Variants in TNFRSF21 observed in about 807,000 individuals in gnomAD.
TNFRSF21 encodes the protein tumor necrosis factor receptor superfamily member 21.
In TNFRSF21, 19 loss-of-function variants were observed where a neutral mutation model predicts 45.6. The observed-to-expected ratio is 0.42, with a 90% CI of 0.29 to 0.61. The LOEUF is 0.61. TNFRSF21 is among the 20% of genes least tolerant of loss of function. The pLI is 0.23. For missense variants in TNFRSF21, 737 were observed against 851.5 expected, an observed-to-expected ratio of 0.87 and a Z score of 1.67; for synonymous variants, 314 against 335.5, an observed-to-expected ratio of 0.94 and a Z score of 0.70.
intron 1 of TNFRSF21, among the ~76,000 whole-genome samples, chr6:47,290,390 G>A (rs1453397695): frequency 6.6e-6 from 1 of 152,200 alleles, no homozygotes; most frequent in African/African-American, 2.4e-5. Context: ...TGAATAGCAA[G>A]TATGTGTGGA....
chr6:47,245,877 T>C (rs1225577211), intron 4 of TNFRSF21, among the ~76,000 whole-genome samples: 1 of 152,164 alleles, frequency 6.6e-6, no homozygotes, highest in Non-Finnish European at 1.5e-5. Flanking sequence ...CTTATAATCA[T>C]GGCAGAAGGC....
At chr6:47,291,900 G>C (rs1159210210) in intron 1 of TNFRSF21, among the ~76,000 whole-genome samples, 1 of 152,194 alleles carries the variant, frequency 6.6e-6, no homozygotes, top group East Asian at 1.9e-4. Context: ...GGAAGAGTTG[G>C]CAACATCCCT....
intron 3 of TNFRSF21, among the ~76,000 whole-genome samples, chr6:47,260,485 G>A (rs998637038): frequency 1.3e-5 from 2 of 152,172 alleles, no homozygotes; most frequent in Middle Eastern, 3.2e-3. Context: ...CATATTATCT[G>A]GGGGACAATC....
intron 4 of TNFRSF21, among the ~76,000 whole-genome samples, chr6:47,251,348 C>T (rs1268339830): frequency 9.2e-5 from 14 of 152,062 alleles, no homozygotes. Context: ...CATTACTGTT[C>T]TCAAAAAATA....
At chr6:47,247,824 G>T (rs1320954397) in intron 4 of TNFRSF21, among the ~76,000 whole-genome samples, 1 of 152,098 alleles carries the variant, frequency 6.6e-6, no homozygotes, top group Non-Finnish European at 1.5e-5. Context: ...TCCCCTATGT[G>T]GTTCTGGAAA....
rs778768014 is a variant in TNFRSF21, at chr6:47,309,372, C to T, written c.96+44G>A. On this transcript the variant is annotated intron_variant, in intron 1 of 5. Coordinates refer to ENST00000296861, the MANE Select transcript of TNFRSF21 (RefSeq NM_014452.5). ...CCCGGCTCCCGGAGAGCGGTTCCTT[C>T]TGCTCCGGCGCCGCCGCCACCCCCG... is the stretch of plus-strand genomic sequence containing the variant. 12 of 1,511,754 alleles carry T rather than the reference C, an allele frequency of 7.9e-6. No homozygotes were observed. The African/African-American group carries it at 8.6e-5, about 11-fold the overall frequency. 93.6% of individuals were successfully genotyped at this position (1,511,754 alleles called of 1,614,324 possible). A position where few individuals can be genotyped will look rare whatever the true frequency, so the allele number is the denominator to read the frequency against.
Position 47,284,397 on chromosome 6 carries a change from C to G in TNFRSF21, c.784G>C (p.Val262Leu), listed in dbSNP as rs754778454. 1 of 1,526,650 alleles carries G rather than the reference C, an allele frequency of 6.6e-7. No individual in the cohort carries two copies. The highest frequency in any genetic ancestry group is 8.8e-7 in the Non-Finnish European group (1 of 1,139,670). The allele number at this position is 1,526,650 out of a possible 1,614,324, so 94.6% of individuals were successfully genotyped here. A position where few individuals can be genotyped will look rare whatever the true frequency, so the allele number is the denominator to read the frequency against. ...ATGCTACTCAGTACCTTTGGTCTAACAGAGGCAGAAGAGTTGGATTCTGTT... is the reference window on the plus strand; with the variant it reads ...ATGCTACTCAGTACCTTTGGTCTAAGAGAGGCAGAAGAGTTGGATTCTGTT... ...NSTESNSSAS[V>L]RPKVLSSIQE... Residue 262 changes from valine (V) to leucine (L), a missense_variant, in exon 3 of 6, where the codon GTT becomes CTT. Transcript: ENST00000296861.
At position 47,275,435 on chromosome 6, in the gene TNFRSF21, A is replaced by G. The variant is rs557043067; in HGVS notation, c.1243+8503T>C. Among the ~76,000 whole-genome samples, 71 of 152,258 alleles carry G rather than the reference A, an allele frequency of 4.7e-4. No individual in the cohort carries two copies. In the South Asian group the frequency reaches 4.8e-3, roughly 10 times the overall value. ...AACCAAACACCGCATGTTCTCACTC[A>G]TAGGTGGGAACTGAACAACGAGATT... On this transcript the variant is annotated intron_variant, in intron 3 of 5. Coordinates refer to ENST00000296861, the MANE Select transcript of TNFRSF21 (RefSeq NM_014452.5).
intron 1 of TNFRSF21, among the ~76,000 whole-genome samples, chr6:47,308,614 C>G (rs966794972): frequency 6.6e-6 from 1 of 152,240 alleles, no homozygotes. Flanking sequence ...CTGCACCACC[C>G]TGCAGGGTCA....
chr6:47,263,450 GA>G (rs1762268397), intron 3 of TNFRSF21, among the ~76,000 whole-genome samples: 1 of 152,142 alleles, frequency 6.6e-6, no homozygotes, highest in Non-Finnish European at 1.5e-5. Context: ...TGTGTACATT[GA>G]AAAGAGGTGC....
At chr6:47,244,720 C>T (rs1324981763) in intron 4 of TNFRSF21, among the ~76,000 whole-genome samples, 3 of 152,140 alleles carry the variant, frequency 2.0e-5, no homozygotes, top group Admixed American at 1.3e-4. Context: ...TCCTCTGTGG[C>T]AATTGTTTAT....
Position 47,284,078 on chromosome 6 carries a change from C to T in TNFRSF21, c.1103G>A (p.Cys368Tyr), listed in dbSNP as rs750794124. 1 of 1,614,210 alleles carries T rather than the reference C, an allele frequency of 6.2e-7. No individual in the cohort carries two copies. Among genetic ancestry groups the T allele is most frequent in the Non-Finnish European group, 8.5e-7 (1 of 1,180,040 alleles). ...AGTCCTCGAGCTTTTCCGGATACTG[C>T]ACACCACAATCACCACAAGCACCAG... The part of the protein sequence containing the change: ...LLLVLVVIVV[C>Y]SIRKSSRTLK... The change falls in exon 3 of 6, where the codon TGC becomes TAC. Residue 368 changes from cysteine (C) to tyrosine (Y), a missense_variant. Coordinates refer to ENST00000296861, the MANE Select transcript of TNFRSF21 (RefSeq NM_014452.5).
rs781016453 is a variant in TNFRSF21 at position 47,232,819 on chromosome 6, T to A, written c.1914A>T (p.Glu638Asp). ...CAGAGTCCAGGAGGGTCTGGCTGGC[T>A]TCCTGGCTCTTGACTCCAATAATTT... is the stretch of plus-strand genomic sequence containing the variant. ...LFEIIGVKSQ[E>D]ASQTLLDSVY... is the part of the protein sequence containing the mutation. Residue 638 changes from glutamate (E) to aspartate (D), a missense_variant, in exon 6 of 6, where the codon GAA becomes GAT. Transcript: ENST00000296861. The A allele has an allele frequency of 6.2e-7, 1 of 1,614,122 alleles. No individual in the cohort carries two copies. Among genetic ancestry groups the A allele is most frequent in the Non-Finnish European group, 8.5e-7 (1 of 1,180,052 alleles).
chr6:47,246,444 G>A (rs1432621546), intron 4 of TNFRSF21, among the ~76,000 whole-genome samples: 1 of 152,126 alleles, frequency 6.6e-6, no homozygotes, highest in Non-Finnish European at 1.5e-5. Flanking sequence ...GACTGTATAG[G>A]ACTTGCCCAA....
intron 1 of TNFRSF21, among the ~76,000 whole-genome samples, chr6:47,287,904 T>C (rs1762671877): frequency 6.6e-6 from 1 of 152,206 alleles, no homozygotes. Flanking sequence ...TAAAATTAAG[T>C]CTTGGTGAGT....
intron 1 of TNFRSF21, among the ~76,000 whole-genome samples, chr6:47,299,670 T>C (rs1416070688): frequency 6.6e-6 from 1 of 152,208 alleles, no homozygotes; most frequent in Non-Finnish European, 1.5e-5. Flanking sequence ...AAGGTGATCA[T>C]CCTATGGATA....
intron 5 of TNFRSF21, 105 bp downstream of exon 5, chr6:47,234,565 G>T: frequency 1.1e-6 from 1 of 905,428 alleles, no homozygotes; most frequent in Non-Finnish European, 1.7e-6. Context: ...TAATTCAGAT[G>T]ACTCAACTCT....
At chr6:47,278,285 C>T (rs1762525630) in intron 3 of TNFRSF21, among the ~76,000 whole-genome samples, 2 of 152,094 alleles carry the variant, frequency 1.3e-5, no homozygotes, top group South Asian at 4.1e-4. Flanking sequence ...AAAACCAATC[C>T]AATGTCTTTA....
intron 4 of TNFRSF21, among the ~76,000 whole-genome samples, chr6:47,252,946 A>G (rs1192002888): frequency 6.6e-6 from 1 of 152,202 alleles, no homozygotes; most frequent in Non-Finnish European, 1.5e-5. Flanking sequence ...AAATGGAGTA[A>G]CAAAGAGAGC....
Sources: gnomAD v4.1 joint callset for allele counts (sites outside exome capture counted in the v4.1 genomes callset) on GRCh38, gnomAD v4.1.1 for gene constraint, MANE v1.5 for transcripts, NCBI Gene and HGNC (gene_info 2026-07-23, HGNC 2026-07-21) for gene names.